CSMD1: variants seen among roughly 807,000 people sequenced by gnomAD.
The protein encoded by CSMD1 is CUB and sushi domain-containing protein 1.
A neutral mutation model predicts 417.5 loss-of-function variants in CSMD1; 213 were observed. That is an observed-to-expected ratio of 0.51 (90% CI 0.46 to 0.57). CSMD1 has a LOEUF of 0.57. Among genes scored for constraint, CSMD1 ranks in the 20% least tolerant of loss-of-function variants. The pLI, the probability that CSMD1 is intolerant of heterozygous loss-of-function variation, is 0.00. For missense variants in CSMD1, 6,923 were observed against 4,529.7 expected, an observed-to-expected ratio of 1.53 and a Z score of -15.17; for synonymous variants, 2,862 against 1,736.8, an observed-to-expected ratio of 1.65 and a Z score of -16.11.
intron 1 of CSMD1, among the ~76,000 whole-genome samples, chr8:4,848,301 T>G (rs1205787953): frequency 6.6e-6 from 1 of 152,226 alleles, no homozygotes; most frequent in Non-Finnish European, 1.5e-5. Context: ...AGTTTTTGTG[T>G]GAATACAGTC....
chr8:4,758,819 C>T (rs1449109161), intron 1 of CSMD1, among the ~76,000 whole-genome samples: 1 of 152,102 alleles, frequency 6.6e-6, no homozygotes, highest in African/African-American at 2.4e-5. Context: ...CATAATCCAA[C>T]CACCTCCCAC....
chr8:4,054,775 A>C (rs1270885680), intron 3 of CSMD1, among the ~76,000 whole-genome samples: 1 of 152,088 alleles, frequency 6.6e-6, no homozygotes, highest in South Asian at 2.1e-4. Flanking sequence ...GATGACATCT[A>C]CCTTCAAGTG....
intron 6 of CSMD1, among the ~76,000 whole-genome samples, chr8:3,744,052 A>G (rs1325035158): frequency 6.6e-6 from 1 of 152,168 alleles, no homozygotes; most frequent in Non-Finnish European, 1.5e-5. Flanking sequence ...GAGCCCTCAC[A>G]ATCCTCTTCC....
At chr8:4,460,998 A>T (rs1799780569) in intron 2 of CSMD1, among the ~76,000 whole-genome samples, 1 of 152,192 alleles carries the variant, frequency 6.6e-6, no homozygotes, top group South Asian at 2.1e-4. Context: ...AAGAATATGA[A>T]CACAAAAATG....
chr8:4,829,224 G>A (rs899331408), intron 1 of CSMD1, among the ~76,000 whole-genome samples: 5 of 152,140 alleles, frequency 3.3e-5, no homozygotes, highest in African/African-American at 1.2e-4. Context: ...TTGTTTAGAT[G>A]AGAATTTTAA....
chr8:3,777,357 C>G (rs912049791), intron 5 of CSMD1, among the ~76,000 whole-genome samples: 4 of 152,064 alleles, frequency 2.6e-5, no homozygotes, highest in African/African-American at 4.8e-5. Context: ...AGCAGTGCCT[C>G]CAGATGAGCT....
chr8:4,271,435 T>C (rs1295241208), intron 3 of CSMD1, among the ~76,000 whole-genome samples: 1 of 152,122 alleles, frequency 6.6e-6, no homozygotes, highest in East Asian at 1.9e-4. Context: ...TGTAGGAGAC[T>C]CTCCTCATTA....
chr8:4,758,601 A>G (rs1333138977), intron 1 of CSMD1, among the ~76,000 whole-genome samples: 2 of 152,194 alleles, frequency 1.3e-5, no homozygotes, highest in African/African-American at 4.8e-5. Flanking sequence ...ATTTATAAAC[A>G]AAAGATGTTT....
At chr8:3,323,685 G>T (rs1458407589) in intron 23 of CSMD1, among the ~76,000 whole-genome samples, 1 of 152,210 alleles carries the variant, frequency 6.6e-6, no homozygotes, top group East Asian at 1.9e-4. Context: ...AGATGAAGCA[G>T]CAGGTAAGTA....
chr8:4,946,518 C>T (rs1277911206), intron 1 of CSMD1, among the ~76,000 whole-genome samples: 1 of 152,128 alleles, frequency 6.6e-6, no homozygotes, highest in East Asian at 1.9e-4. Context: ...ATCCCCCCAG[C>T]TGCCTCTAAC....
rs535014281 is a variant in CSMD1, at chr8:4,287,888, C to T, written c.415+132065G>A. Among the ~76,000 whole-genome samples the T allele has an allele frequency of 1.1e-3, 169 of 152,116 alleles. 4 individuals carry two copies. The South Asian group carries it at 0.012, about 11-fold the overall frequency. On this transcript the variant is annotated intron_variant, in intron 3 of 69. Transcript: ENST00000635120. Reference sequence around the variant, plus strand: ...GAAAACAAGGGCAGTCTCAGGACATCCCAGGTTGCTCTTAAGCCATCACAT... The same window carrying T: ...GAAAACAAGGGCAGTCTCAGGACATTCCAGGTTGCTCTTAAGCCATCACAT...
chr8:3,844,090 C>G (rs540254025), intron 5 of CSMD1, among the ~76,000 whole-genome samples: 18 of 152,224 alleles, frequency 1.2e-4, no homozygotes, highest in African/African-American at 4.1e-4. Context: ...CCATCTAAAC[C>G]TGCCCCTCCT....
intron 3 of CSMD1, among the ~76,000 whole-genome samples, chr8:4,329,231 T>G (rs187402491): frequency 6.6e-5 from 10 of 152,318 alleles, no homozygotes; most frequent in Non-Finnish European, 1.0e-4. Context: ...ACCTTATCAG[T>G]GTTGACATAT....
chr8:4,009,350 A>T (rs1318611114), intron 4 of CSMD1, among the ~76,000 whole-genome samples: 1 of 152,204 alleles, frequency 6.6e-6, no homozygotes, highest in Non-Finnish European at 1.5e-5. Context: ...TTACGGACAT[A>T]ATTTAAAATA....
intron 1 of CSMD1, among the ~76,000 whole-genome samples, chr8:4,965,749 T>C (rs113168807): frequency 1.3e-5 from 2 of 152,250 alleles, no homozygotes; most frequent in African/African-American, 2.4e-5. Flanking sequence ...GAAATACTAA[T>C]GATTATTTAG....
intron 39 of CSMD1, among the ~76,000 whole-genome samples, chr8:3,154,996 C>T (rs945700704): frequency 2.6e-5 from 4 of 152,022 alleles, no homozygotes; most frequent in African/African-American, 9.7e-5. Flanking sequence ...GTTTTTAAAA[C>T]AATGAAAAAA....
In CSMD1 at chr8:4,947,370, T is replaced by A. The variant is rs1044126969; in HGVS notation, c.85+46962A>T. ...TAACTAACCAAATTCTCAGCACTAA[T>A]TAATGGGAAATTCCCTAAAATAATT... On this transcript the variant is annotated intron_variant, in intron 1 of 69. Coordinates refer to ENST00000635120, the MANE Select transcript of CSMD1 (RefSeq NM_033225.6). Among the ~76,000 whole-genome samples the A allele has an allele frequency of 2.0e-5, 3 of 152,160 alleles. No homozygotes were observed. The South Asian group carries it at 6.2e-4, about 32-fold the overall frequency.
chr8:4,869,268 C>T (rs1177584428), intron 1 of CSMD1, among the ~76,000 whole-genome samples: 1 of 151,972 alleles, frequency 6.6e-6, no homozygotes, highest in Non-Finnish European at 1.5e-5. Context: ...TATCATTTAA[C>T]ATAGTGCTAA....
intron 3 of CSMD1, among the ~76,000 whole-genome samples, chr8:4,368,983 G>C (rs1356505650): frequency 1.3e-5 from 2 of 151,954 alleles, no homozygotes; most frequent in Non-Finnish European, 2.9e-5. Flanking sequence ...GTTATTTTCT[G>C]CTATGTTTGG....
Sources: gnomAD v4.1 joint callset for allele counts (sites outside exome capture counted in the v4.1 genomes callset) on GRCh38, gnomAD v4.1.1 for gene constraint, MANE v1.5 for transcripts, NCBI Gene and HGNC (gene_info 2026-07-23, HGNC 2026-07-21) for gene names.